The following FIG4 variants were observed in gnomAD, a reference collection of about 807,000 sequenced individuals.
FIG4 encodes the protein FIG4 phosphoinositide 5-phosphatase, also known as polyphosphoinositide phosphatase.
In FIG4, 112 loss-of-function variants were observed where a neutral mutation model predicts 118.6. The ratio of observed to expected loss-of-function variants is 0.94; its 90% CI spans 0.81 to 1.11. The LOEUF is 1.11. Among genes scored for constraint, FIG4 ranks in the 50% least tolerant of loss-of-function variants. The probability of loss-of-function intolerance (pLI) is 0.00; values close to 1 mark genes in which losing one functional copy is unlikely to be tolerated. For synonymous variants in FIG4, 369 were observed against 381.2 expected (o/e 0.97, Z 0.37); for missense variants, 969 against 1,111.7 (o/e 0.87, Z 1.83).
chr6:109,738,250 T>G (rs774733496), intron 6 of FIG4, 75 bp from the exon 7 acceptor site: 13 of 1,299,064 alleles, frequency 1.0e-5, no homozygotes, highest in Admixed American at 5.4e-5. Context: ...CATATCTTTC[T>G]GATACCAACC....
At chr6:109,741,141 C>T (rs1418243471) in intron 7 of FIG4, among the ~76,000 whole-genome samples, 1 of 152,144 alleles carries the variant, frequency 6.6e-6, no homozygotes, top group African/African-American at 2.4e-5. Flanking sequence ...ATTAGTTGTA[C>T]TTGTTTACAT....
intron 15 of FIG4, among the ~76,000 whole-genome samples, chr6:109,771,733 T>C (rs778650624): frequency 2.6e-5 from 4 of 152,196 alleles, no homozygotes; most frequent in African/African-American, 7.2e-5. Context: ...TCTGCACCCA[T>C]AGTTTCTACC....
intron 7 of FIG4, 96 bp downstream of exon 7, chr6:109,738,549 ACT>A: frequency 4.3e-6 from 5 of 1,162,982 alleles, no homozygotes; most frequent in Non-Finnish European, 6.4e-6. Flanking sequence ...TTATAATACC[ACT>A]CTGTGCACCC....
chr6:109,693,224 A>G (rs977116545), intron 1 of FIG4, among the ~76,000 whole-genome samples: 1 of 152,212 alleles, frequency 6.6e-6, no homozygotes, highest in African/African-American at 2.4e-5. Context: ...TTAATGAAAC[A>G]TTTATTGAGG....
intron 22 of FIG4, among the ~76,000 whole-genome samples, chr6:109,809,083 C>A (rs1778650567): frequency 6.6e-6 from 1 of 152,142 alleles, no homozygotes; most frequent in Non-Finnish European, 1.5e-5. Context: ...TGCAACTAAC[C>A]TTTAAGAAAC....
intron 10 of FIG4, among the ~76,000 whole-genome samples, chr6:109,755,215 T>A (rs1239383849): frequency 9.8e-5 from 15 of 152,300 alleles, no homozygotes; most frequent in African/African-American, 1.9e-4. Flanking sequence ...ATTCAGGAGC[T>A]GGTTGTTCAG....
At position 109,741,540 on chromosome 6, in the gene FIG4, G is replaced by C; in HGVS notation, c.872G>C (p.Cys291Ser). 6.3e-7 allele frequency: 1 copy of C among 1,594,732 alleles called. No individual in the cohort carries two copies. The highest frequency in any genetic ancestry group is 1.1e-5 in the South Asian group (1 of 90,730). The change falls in exon 8 of 23, where the codon TGT (cysteine) becomes TCT (serine). Residue 291 changes from cysteine to serine, a missense_variant. Around this residue, in one of 3 missense-constraint regions of FIG4, gnomAD observed 393 missense variants for 409.4 expected, o/e 0.96. Transcript: ENST00000230124. Reference protein sequence around the residue: ...GTRFLKRGANCEGDVANEVET... With the variant: ...GTRFLKRGANSEGDVANEVET... ...CGTTTTCTTAAAAGAGGTGCAAACT[G>C]TGAGGTAAGATGACAAACAGTATCT...
At chr6:109,719,389 T>TC (rs1218433163) in intron 3 of FIG4, among the ~76,000 whole-genome samples, 1 of 149,260 alleles carries the variant, frequency 6.7e-6, no homozygotes, top group Non-Finnish European at 1.5e-5. Context: ...TGTGTGTGTG[T>TC]TTTTTTTTTC....
intron 11 of FIG4, among the ~76,000 whole-genome samples, chr6:109,760,984 T>G (rs1184203661): frequency 6.6e-6 from 1 of 152,212 alleles, no homozygotes; most frequent in Non-Finnish European, 1.5e-5. Flanking sequence ...CTAAGGAACT[T>G]ACTTTTGTTA....
chr6:109,691,424 T>G lies in FIG4; in HGVS notation c.-12T>G. On this transcript the variant is annotated 5_prime_UTR_variant, in exon 1 of 23. Coordinates refer to ENST00000230124, the MANE Select transcript of FIG4 (RefSeq NM_014845.6). ...CTCGTGCCCTGTTGTGGGGCCCCCATTTGCCGCCGCCATGCCCACGGCCGC... is the reference window on the plus strand; with the variant it reads ...CTCGTGCCCTGTTGTGGGGCCCCCAGTTGCCGCCGCCATGCCCACGGCCGC... 1 of 1,571,542 alleles carries G rather than the reference T, an allele frequency of 6.4e-7. No individual in the cohort carries two copies. The highest frequency in any genetic ancestry group is 8.6e-7 in the Non-Finnish European group (1 of 1,158,094).
chr6:109,715,023 A>G (rs1775384939), intron 1 of FIG4, 55 bp from the exon 2 acceptor site: 22 of 975,346 alleles, frequency 2.3e-5, no homozygotes, highest in South Asian at 4.0e-5. Context: ...GTGGTATAAA[A>G]TGTGTATAGG....
intron 1 of FIG4, among the ~76,000 whole-genome samples, chr6:109,698,189 GTTTT>G (rs56943757): frequency 1.4e-5 from 2 of 145,214 alleles, no homozygotes; most frequent in Admixed American, 6.9e-5. Context: ...TGCCTGGCCT[GTTTT>G]TTTTTTTTAT....
intron 22 of FIG4, among the ~76,000 whole-genome samples, chr6:109,822,787 G>GTATGTATATATA (rs1295458689): frequency 1.7e-5 from 2 of 120,432 alleles, no homozygotes; most frequent in African/African-American, 6.4e-5. Flanking sequence ...GTGTGTGTAT[G>GTATGTATATATA]TATATATATA....
intron 10 of FIG4, among the ~76,000 whole-genome samples, chr6:109,759,905 CCTT>C (rs930637761): frequency 6.6e-6 from 1 of 152,136 alleles, no homozygotes; most frequent in Admixed American, 6.5e-5. Flanking sequence ...TTGGGGGCTC[CCTT>C]CTTCTGGTCC....
At chr6:109,783,615 A>G (rs945738039) in intron 16 of FIG4, among the ~76,000 whole-genome samples, 3 of 152,236 alleles carry the variant, frequency 2.0e-5, no homozygotes, top group African/African-American at 7.2e-5. Context: ...GCAGGTGCTT[A>G]ATAAATGTGG....
chr6:109,721,807 T>C (rs1332649768), intron 3 of FIG4, among the ~76,000 whole-genome samples: 2 of 152,170 alleles, frequency 1.3e-5, no homozygotes, highest in Admixed American at 6.5e-5. Context: ...ACTGAAGCCA[T>C]TTGTGCTGGA....
At chr6:109,819,147 A>G (rs1019970450) in intron 22 of FIG4, among the ~76,000 whole-genome samples, 12 of 152,230 alleles carry the variant, frequency 7.9e-5, no homozygotes, top group African/African-American at 2.4e-4. Context: ...CTAGTGACCT[A>G]TAAATAAAGA....
At position 109,791,436 on chromosome 6, in the gene FIG4, G is replaced by C. The variant is rs148589135; in HGVS notation, c.2241G>C (p.Pro747=). 8.1e-6 allele frequency: 13 copies of C among 1,613,466 alleles called. No individual in the cohort carries two copies. The highest frequency in any genetic ancestry group is 1.0e-5 in the Non-Finnish European group (12 of 1,179,968). Reference sequence around the variant, plus strand: ...GGAAAACGGCAGCCAGCGCCCCGCCGCCCCCCAGCGAGGAGGCTGTGTCCA... The same window carrying C: ...GGAAAACGGCAGCCAGCGCCCCGCCCCCCCCCAGCGAGGAGGCTGTGTCCA... ...LQRKTAASAP[P]PPSEEAVSSS... Residue 747 remains proline (P), a synonymous_variant, in exon 20 of 23, where the codon CCG becomes CCC. Coordinates refer to ENST00000230124, the MANE Select transcript of FIG4 (RefSeq NM_014845.6).
chr6:109,775,199 C>T (rs1342985669), intron 15 of FIG4, among the ~76,000 whole-genome samples: 2 of 152,258 alleles, frequency 1.3e-5, no homozygotes, highest in East Asian at 1.9e-4. Context: ...CAGAGTACCA[C>T]CATCTTCCTG....
Sources: gnomAD v4.1 joint callset for allele counts (sites outside exome capture counted in the v4.1 genomes callset) on GRCh38, gnomAD v4.1.1 for gene constraint, gnomAD v4.1.1 regional missense constraint, MANE v1.5 for transcripts, NCBI Gene and HGNC (gene_info 2026-07-23, HGNC 2026-07-21) for gene names.